The following CTBP2 variants were observed in gnomAD, a reference collection of about 807,000 sequenced individuals.
The protein encoded by CTBP2 is C-terminal binding protein 2.
CTBP2 carries 30 observed loss-of-function variants against 80.3 expected under a neutral mutation model. That is an observed-to-expected ratio of 0.37 (90% confidence interval 0.28 to 0.51). CTBP2 has a LOEUF of 0.51. Ranked by LOEUF, CTBP2 falls within the 20% of genes least tolerant of loss-of-function variation. The pLI, the probability that CTBP2 is intolerant of heterozygous loss-of-function variation, is 0.93. For missense variants in CTBP2, 1,212 were observed against 1,375.3 expected (o/e 0.88, Z 1.88); for synonymous variants, 594 against 587.4 (o/e 1.01, Z -0.16).
At chr10:125,143,425 C>T (rs1203926247) in intron 1 of CTBP2, among the ~76,000 whole-genome samples, 5 of 152,180 alleles carry the variant, frequency 3.3e-5, no homozygotes, top group East Asian at 1.9e-4. Flanking sequence ...TTGCAGTGAG[C>T]GGAGAACTCG....
At chr10:124,993,375 C>A (rs374776665) in intron 6 of CTBP2, 46 bp from the exon 9 acceptor site, 3 of 1,580,668 alleles carry the variant, frequency 1.9e-6, no homozygotes, top group East Asian at 2.3e-5. Context: ...ATGTCGCATA[C>A]GCTCCCTGCC....
At chr10:125,090,955 T>C (rs1315493019) in intron 2 of CTBP2, among the ~76,000 whole-genome samples, 1 of 152,126 alleles carries the variant, frequency 6.6e-6, no homozygotes, top group African/African-American at 2.4e-5. Context: ...AGGAGGAAAT[T>C]GGCGCAAAGA....
At chr10:125,031,475 C>A (rs1450332741), upstream of CTBP2, among the ~76,000 whole-genome samples, 2 of 96,766 alleles carry the variant, frequency 2.1e-5, no homozygotes. Flanking sequence ...GGCAACAGAG[C>A]AAGACTCCAT....
At position 125,033,726 on chromosome 10, in the gene CTBP2, G is replaced by C. The variant is rs554355348; in HGVS notation, c.58+5271C>G. Among the ~76,000 whole-genome samples, 26 of 152,012 alleles carry C rather than the reference G, an allele frequency of 1.7e-4. No individual in the cohort carries two copies. The East Asian group carries it at 2.9e-3, about 17-fold the overall frequency. The stretch of plus-strand genomic sequence containing the variant: ...CCACCCCAAGCACTGCTCCCCTCAA[G>C]GCACTGACTTGGCCTGAAACTAGAG... On this transcript the variant is annotated intron_variant, in intron 3 of 10. Coordinates refer to the CTBP2 transcript ENST00000337195.
rs1952000344 is a variant in CTBP2 at position 124,984,963 on chromosome 10, G to A, written c.*4555C>T. The A allele has an allele frequency of 6.2e-7, 1 of 1,613,120 alleles. No homozygotes were observed. The highest frequency in any genetic ancestry group is 1.1e-5 in the South Asian group (1 of 91,010). ...GCCGTGTACATCCCTGTCTGATGGA[G>A]AGGAAGATGAGGATGATGAAGATGA... On this transcript the variant is annotated 3_prime_UTR_variant, in exon 9 of 9. Coordinates refer to ENST00000309035, the MANE Select transcript of CTBP2 (RefSeq NM_022802.3).
At chr10:125,069,682 T>C (rs1845160297) in intron 2 of CTBP2, among the ~76,000 whole-genome samples, 1 of 152,146 alleles carries the variant, frequency 6.6e-6, no homozygotes, top group African/African-American at 2.4e-5. Flanking sequence ...TGTTTTCCAA[T>C]ATTAAATCCC....
intron 2 of CTBP2, among the ~76,000 whole-genome samples, chr10:125,052,642 C>T (rs1438099239): frequency 6.6e-6 from 1 of 152,174 alleles, no homozygotes; most frequent in Non-Finnish European, 1.5e-5. Flanking sequence ...TCAAGAACGC[C>T]CTTGGGGTCC....
rs1356908660 is a variant in CTBP2 at position 124,984,501 on chromosome 10, A to G, written c.*5017T>C. 5.0e-6 allele frequency: 2 copies of G among 401,694 alleles called. No homozygotes were observed. The highest frequency in any genetic ancestry group is 4.1e-5 in the African/African-American group (2 of 49,306). 24.9% of individuals were successfully genotyped at this position (401,694 alleles called of 1,614,324 possible). A position where few individuals can be genotyped will look rare whatever the true frequency, so the allele number is the denominator to read the frequency against. ...GGCTTGCCAGGATCAGTTTATTAGG[A>G]CATTTGTTTTTTATTTTATCTAACA... On this transcript the variant is annotated 3_prime_UTR_variant, in exon 9 of 9. Transcript: ENST00000309035.
chr10:125,081,684 A>T (rs556564178), intron 2 of CTBP2, among the ~76,000 whole-genome samples: 1 of 152,308 alleles, frequency 6.6e-6, no homozygotes. Context: ...AAAAAAAAAT[A>T]GACATGAATG....
chr10:124,994,982 T>G (rs1408966833), intron 4 of CTBP2, among the ~76,000 whole-genome samples: 3 of 152,244 alleles, frequency 2.0e-5, no homozygotes, highest in Non-Finnish European at 4.4e-5. Context: ...ACACAGAGTG[T>G]TCTGACAAGC....
At chr10:125,115,056 C>T (rs1370992129) in intron 1 of CTBP2, among the ~76,000 whole-genome samples, 3 of 152,124 alleles carry the variant, frequency 2.0e-5, no homozygotes, top group East Asian at 3.9e-4. Context: ...CCGTGGATGG[C>T]GAAGGATTCA....
chr10:125,095,004 G>A (rs1849339808), intron 2 of CTBP2, among the ~76,000 whole-genome samples: 3 of 152,158 alleles, frequency 2.0e-5, no homozygotes, highest in Admixed American at 6.5e-5. Flanking sequence ...AAGTGTGGCA[G>A]GGCTGGGTGG....
At position 124,993,881 on chromosome 10, in the gene CTBP2, G is replaced by A. The variant is rs768261693; in HGVS notation, c.2505C>T (p.Leu835=). Residue 835 remains leucine (L), a synonymous_variant, in exon 6 of 9, where the codon CTC becomes CTT. Coordinates refer to ENST00000309035, the MANE Select transcript of CTBP2 (RefSeq NM_022802.3). Reference sequence around the variant, plus strand: ...TGAAGGGCTCTGACTCATGCACGTCGAGGGCTGCCCCTCGTATCCTGCCCT... The same window carrying A: ...TGAAGGGCTCTGACTCATGCACGTCAAGGGCTGCCCCTCGTATCCTGCCCT... 22 of 1,612,906 alleles carry A rather than the reference G, an allele frequency of 1.4e-5. No individual in the cohort carries two copies. Among genetic ancestry groups the A allele is most frequent in the Non-Finnish European group, 1.8e-5 (21 of 1,179,514 alleles).
Position 125,026,722 on chromosome 10 carries a change from G to T in CTBP2, c.1038C>A (p.Ala346=). The change falls in exon 1 of 9, where the codon GCC becomes GCA. Residue 346 remains alanine (A), a synonymous_variant. Coordinates refer to ENST00000309035, the MANE Select transcript of CTBP2 (RefSeq NM_022802.3). Reference sequence around the variant, plus strand: ...GCTGCATTTCGGTCCTGCAGCTATTGGCCAGGCGGCTCAGAACACGGGCCT... The same window carrying T: ...GCTGCATTTCGGTCCTGCAGCTATTTGCCAGGCGGCTCAGAACACGGGCCT... The T allele has an allele frequency of 6.2e-7, 1 of 1,612,842 alleles. No homozygotes were observed. The highest frequency in any genetic ancestry group is 8.5e-7 in the Non-Finnish European group (1 of 1,179,910).
intron 1 of CTBP2, among the ~76,000 whole-genome samples, chr10:125,118,653 G>C (rs1283179384): frequency 7.2e-6 from 1 of 138,684 alleles, no homozygotes; most frequent in African/African-American, 2.7e-5. Context: ...GGGCACGACA[G>C]TCCTACTTAC....
At position 125,028,064 on chromosome 10, in the gene CTBP2, G is replaced by A. The variant is rs1258692538; in HGVS notation, c.-305C>T. 3 of 438,004 alleles carry A rather than the reference G, an allele frequency of 6.8e-6. No individual in the cohort carries two copies. Among genetic ancestry groups the A allele is most frequent in the Admixed American group, 4.5e-5 (1 of 22,336 alleles). The allele number at this position is 438,004 out of a possible 1,614,324, so 27.1% of individuals were successfully genotyped here. A position where few individuals can be genotyped will look rare whatever the true frequency, so the allele number is the denominator to read the frequency against. On this transcript the variant is annotated 5_prime_UTR_variant, in exon 1 of 9. Transcript: ENST00000309035. ...CCTGCCAGGTCCCCCTTCCTGGCTG[G>A]TGTGCTCACATGGACCAGGGCTCTC...
At chr10:124,990,208 C>T (rs781101898) in intron 8 of CTBP2, among the ~76,000 whole-genome samples, 1 of 152,030 alleles carries the variant, frequency 6.6e-6, no homozygotes, top group Non-Finnish European at 1.5e-5. Context: ...CCACACCCGG[C>T]TAATTTTTAT....
At chr10:125,158,128 C>A (rs1861259500) in intron 1 of CTBP2, among the ~76,000 whole-genome samples, 1 of 151,778 alleles carries the variant, frequency 6.6e-6, no homozygotes, top group African/African-American at 2.4e-5. Context: ...CCTTTAAAGT[C>A]TCATTACTTC....
rs1016537531 is a variant in CTBP2, at chr10:125,066,298, C to T, written c.-101-27143G>A. Among the ~76,000 whole-genome samples the T allele has an allele frequency of 1.3e-5, 2 of 152,130 alleles. No individual in the cohort carries two copies. Among genetic ancestry groups the T allele is most frequent in the African/African-American group, 4.8e-5 (2 of 41,438 alleles). On this transcript the variant is annotated intron_variant, in intron 2 of 10. Coordinates refer to the CTBP2 transcript ENST00000337195. This position sits in a 1 kb window ranked among gnomAD's most constrained non-coding sequence, Gnocchi z 4.1. ...ATCCTAACCCCAGCAGAGCCAGAGA[C>T]TCAATGCTTTGTGTCACATGGAGCT...
Sources: gnomAD v4.1 joint callset for allele counts (sites outside exome capture counted in the v4.1 genomes callset) on GRCh38, gnomAD v4.1.1 for gene constraint, Gnocchi (gnomAD v3.1) non-coding constraint, MANE v1.5 for transcripts, NCBI Gene and HGNC (gene_info 2026-07-23, HGNC 2026-07-21) for gene names.